SLC1A7: variants seen among roughly 807,000 people sequenced by gnomAD.
SLC1A7 encodes excitatory amino acid transporter 5.
Under a neutral mutation model 47.7 loss-of-function variants are expected in SLC1A7, and 40 were observed. The observed-to-expected ratio is 0.84, with a 90% CI of 0.65 to 1.09. The LOEUF (loss-of-function observed/expected upper bound fraction) is 1.09, where lower values mean the gene tolerates loss of function less well. SLC1A7 is among the 50% of genes least tolerant of loss of function. The pLI is 0.00. For synonymous variants in SLC1A7, 323 were observed against 325.6 expected (o/e 0.99, Z 0.09); for missense variants, 746 against 769.5 (o/e 0.97, Z 0.36).
chr1:53,123,550 C>A (rs1348713646), intron 2 of SLC1A7, among the ~76,000 whole-genome samples: 1 of 152,188 alleles, frequency 6.6e-6, no homozygotes, highest in East Asian at 1.9e-4. Flanking sequence ...GGTGGGGAGA[C>A]CAGCAGCAGA....
At chr1:53,128,320 T>A (rs1251026507) in intron 2 of SLC1A7, among the ~76,000 whole-genome samples, 7 of 152,104 alleles carry the variant, frequency 4.6e-5, no homozygotes, top group Admixed American at 2.6e-4. Context: ...TACCCAAAAT[T>A]TAAAAAATTA....
intron 2 of SLC1A7, among the ~76,000 whole-genome samples, chr1:53,124,320 C>T (rs1572340215): frequency 6.6e-6 from 1 of 151,698 alleles, no homozygotes; most frequent in Non-Finnish European, 1.5e-5. Context: ...CCCACACCCA[C>T]GCTTGGCTGT....
intron 3 of SLC1A7, among the ~76,000 whole-genome samples, chr1:53,114,309 G>A (rs937979398): frequency 1.1e-4 from 16 of 152,156 alleles, no homozygotes; most frequent in Non-Finnish European, 8.8e-5. Flanking sequence ...GGCACCACAG[G>A]GCAAAGGGCA....
At chr1:53,129,253 C>A (rs1251411995) in intron 2 of SLC1A7, among the ~76,000 whole-genome samples, 1 of 94,578 alleles carries the variant, frequency 1.1e-5, no homozygotes, top group Non-Finnish European at 2.4e-5. Flanking sequence ...TGGGTCTTCA[C>A]GTACATTCTC....
chr1:53,088,261 G>T (rs1470615020), intron 10 of SLC1A7, 34 bp from the exon 11 acceptor site: 2 of 1,538,440 alleles, frequency 1.3e-6, no homozygotes, highest in South Asian at 1.2e-5. Flanking sequence ...GTAGCAGCAG[G>T]AGGGACCAAG....
At position 53,092,790 on chromosome 1, in the gene SLC1A7, G is replaced by C; in HGVS notation, c.798-3C>G. On this transcript the variant is annotated splice_polypyrimidine_tract_variant and splice_region_variant and intron_variant, in intron 6 of 10. Transcript: ENST00000371494. The stretch of plus-strand genomic sequence containing the variant: ...ACACAATGCCGAAGGGGAAATACCT[G>C]GGGGCGGCGGGGCAGCCAGGCTCAG... 1.3e-6 allele frequency: 2 copies of C among 1,594,660 alleles called. No individual in the cohort carries two copies. Among genetic ancestry groups the C allele is most frequent in the Non-Finnish European group, 8.6e-7 (1 of 1,163,024 alleles).
At chr1:53,132,365 G>A (rs1249475905) in intron 2 of SLC1A7, among the ~76,000 whole-genome samples, 3 of 152,198 alleles carry the variant, frequency 2.0e-5, no homozygotes, top group Admixed American at 6.5e-5. Context: ...TTGGGAGGAA[G>A]CTCCATTCTT....
At chr1:53,110,815 C>T (rs1229530306) in intron 3 of SLC1A7, among the ~76,000 whole-genome samples, 6 of 152,132 alleles carry the variant, frequency 3.9e-5, no homozygotes, top group African/African-American at 7.2e-5. Flanking sequence ...CTGTGCAAAG[C>T]CCACAGTGCG....
chr1:53,106,567 C>A (rs929062751), intron 3 of SLC1A7, among the ~76,000 whole-genome samples: 1 of 150,384 alleles, frequency 6.6e-6, no homozygotes, highest in Non-Finnish European at 1.5e-5. Context: ...GCCACTGCAC[C>A]CCAGCCTGGG....
intron 2 of SLC1A7, among the ~76,000 whole-genome samples, chr1:53,133,308 G>T (rs1323567061): frequency 1.3e-5 from 2 of 152,230 alleles, no homozygotes; most frequent in Non-Finnish European, 2.9e-5. Context: ...GTCAGGGAAG[G>T]CTTCCTGAGG....
At chr1:53,096,969 C>A (rs1644500955) in intron 5 of SLC1A7, among the ~76,000 whole-genome samples, 1 of 146,212 alleles carries the variant, frequency 6.8e-6, no homozygotes, top group South Asian at 2.2e-4. Flanking sequence ...TGCCTCGGTA[C>A]ACTCACACAC....
At chr1:53,089,957 G>A (rs764376577) in intron 8 of SLC1A7, 23 bp from the exon 9 acceptor site, 5 of 1,612,012 alleles carry the variant, frequency 3.1e-6, no homozygotes, top group African/African-American at 2.7e-5. Context: ...GGAAGGGGAA[G>A]AGGAGCAGCA....
At chr1:53,101,833 G>A (rs1420314840) in intron 5 of SLC1A7, among the ~76,000 whole-genome samples, 1 of 131,868 alleles carries the variant, frequency 7.6e-6, no homozygotes, top group Non-Finnish European at 1.6e-5. Flanking sequence ...ACACTCACAC[G>A]CACACTCAGT....
intron 2 of SLC1A7, chr1:53,116,237 GAC>G (rs1289087045): frequency 6.6e-6 from 1 of 152,274 alleles, no homozygotes; most frequent in East Asian, 1.9e-4. Flanking sequence ...CTTCTGGTAA[GAC>G]ACACTTTGAG....
intron 1 of SLC1A7, among the ~76,000 whole-genome samples, chr1:53,139,072 G>T (rs893822094): frequency 7.2e-5 from 11 of 152,134 alleles, no homozygotes; most frequent in African/African-American, 2.7e-4. Context: ...CACATTAGGA[G>T]CCTCCTCACA....
intron 2 of SLC1A7, among the ~76,000 whole-genome samples, chr1:53,129,493 TGCACTCAG>T (rs1408284120): frequency 0.015 from 2,141 of 139,298 alleles, 2 homozygotes; most frequent in Middle Eastern, 0.028. Context: ...AAGCGTGGGC[TGCACTCAG>T]TTGGACTGAA....
chr1:53,088,839 C>T lies in SLC1A7; in HGVS notation c.1464+38G>A, dbSNP rs536934503. 4.5e-6 allele frequency: 7 copies of T among 1,560,402 alleles called. No individual in the cohort carries two copies. The African/African-American group carries it at 8.2e-5, about 18-fold the overall frequency. On this transcript the variant is annotated intron_variant, in intron 10 of 10. Coordinates refer to ENST00000371494, the MANE Select transcript of SLC1A7 (RefSeq NM_006671.6). ...GGTGCCCTGCCCACCCTGCGTGGCT[C>T]CACCCTCCTGGCAGCCTCTGGATCT...
Position 53,092,804 on chromosome 1 carries a change from A to G in SLC1A7, c.798-17T>C, listed in dbSNP as rs1000879076. 1.3e-6 allele frequency: 2 copies of G among 1,542,720 alleles called. No individual in the cohort carries two copies. Among genetic ancestry groups the G allele is most frequent in the African/African-American group, 2.7e-5 (2 of 73,542 alleles). On this transcript the variant is annotated splice_polypyrimidine_tract_variant and intron_variant, in intron 6 of 10. Coordinates refer to ENST00000371494, the MANE Select transcript of SLC1A7 (RefSeq NM_006671.6). Reference sequence around the variant, plus strand: ...GGGAAATACCTGGGGGCGGCGGGGCAGCCAGGCTCAGGAACCAGGCAGGCA... The same window carrying G: ...GGGAAATACCTGGGGGCGGCGGGGCGGCCAGGCTCAGGAACCAGGCAGGCA...
chr1:53,110,376 C>T (rs976703452), intron 3 of SLC1A7, among the ~76,000 whole-genome samples: 11 of 150,886 alleles, frequency 7.3e-5, no homozygotes, highest in East Asian at 4.0e-4. Flanking sequence ...GACCAAGAAA[C>T]GGTGAGAGCG....
Sources: gnomAD v4.1 joint callset for allele counts (sites outside exome capture counted in the v4.1 genomes callset) on GRCh38, gnomAD v4.1.1 for gene constraint, MANE v1.5 for transcripts, NCBI Gene and HGNC (gene_info 2026-07-23, HGNC 2026-07-21) for gene names.